Variants in CSMD3 observed in about 807,000 individuals in gnomAD.
CSMD3 encodes the protein CUB and Sushi multiple domains 3.
In CSMD3, 177 loss-of-function variants were observed where a neutral mutation model predicts 435.2. The observed-to-expected ratio is 0.41, with a 90% CI of 0.36 to 0.46. The LOEUF (loss-of-function observed/expected upper bound fraction) is 0.46, where lower values mean the gene tolerates loss of function less well. CSMD3 is among the 20% of genes least tolerant of loss of function. The probability of loss-of-function intolerance (pLI) is 0.34; values close to 1 mark genes in which losing one functional copy is unlikely to be tolerated. For synonymous variants in CSMD3, 1,656 were observed against 1,520.5 expected (o/e 1.09, Z -2.07); for missense variants, 4,265 against 4,504.6 (o/e 0.95, Z 1.52).
At chr8:112,923,279 C>A (rs1408348522) in intron 9 of CSMD3, among the ~76,000 whole-genome samples, 1 of 152,070 alleles carries the variant, frequency 6.6e-6, no homozygotes, top group Non-Finnish European at 1.5e-5. Context: ...TTTGTACTTT[C>A]AAATTTCCCA....
intron 27 of CSMD3, among the ~76,000 whole-genome samples, chr8:112,521,965 C>T (rs1411339809): frequency 6.6e-6 from 1 of 151,544 alleles, no homozygotes; most frequent in African/African-American, 2.4e-5. Context: ...AGGTAAAAAT[C>T]GTTGACATAA....
chr8:112,757,358 G>C (rs937988219), intron 13 of CSMD3, among the ~76,000 whole-genome samples: 1 of 151,784 alleles, frequency 6.6e-6, no homozygotes, highest in Non-Finnish European at 1.5e-5. Context: ...TTATTGTGAC[G>C]ATGTTATATG....
chr8:113,236,567 T>G (rs913027704), intron 3 of CSMD3, among the ~76,000 whole-genome samples: 2 of 152,110 alleles, frequency 1.3e-5, no homozygotes, highest in Admixed American at 1.3e-4. Flanking sequence ...TTCCTGCCCT[T>G]GGACATTAGA....
intron 10 of CSMD3, among the ~76,000 whole-genome samples, chr8:112,862,437 A>G (rs531158135): frequency 6.6e-6 from 1 of 152,044 alleles, no homozygotes; most frequent in African/African-American, 2.4e-5. Context: ...GAACTACTGG[A>G]CGTTTTTGAC....
At chr8:113,360,990 C>A (rs2094271846) in intron 1 of CSMD3, among the ~76,000 whole-genome samples, 3 of 152,038 alleles carry the variant, frequency 2.0e-5, no homozygotes, top group Admixed American at 2.0e-4. Context: ...CAATTTTTTA[C>A]AAGTAGTGAC....
At chr8:112,758,351 C>CCA (rs1554672493) in intron 13 of CSMD3, among the ~76,000 whole-genome samples, 15 of 117,622 alleles carry the variant, frequency 1.3e-4, no homozygotes, top group Middle Eastern at 4.3e-3. Context: ...GACTCCATTT[C>CCA]AAAAAAAAAA....
intron 9 of CSMD3, among the ~76,000 whole-genome samples, chr8:112,930,843 T>C (rs982769588): frequency 6.6e-6 from 1 of 152,098 alleles, no homozygotes. Context: ...ACCAGTTAGA[T>C]TAAACACTGA....
rs576859244 is a variant in CSMD3 at position 112,625,326 on chromosome 8, A to C, written c.3715+11491T>G. Among the ~76,000 whole-genome samples the C allele has an allele frequency of 7.9e-5, 12 of 152,252 alleles. No individual in the cohort carries two copies. In the East Asian group the frequency reaches 2.3e-3, roughly 29 times the overall value. On this transcript the variant is annotated intron_variant, in intron 22 of 70. Transcript: ENST00000297405. ...GTCATCTCAAACATCATGATTGAAC[A>C]AGTGAGAAATCATATTATATTATCA...
At chr8:112,332,104 C>G (rs558573735) in intron 45 of CSMD3, among the ~76,000 whole-genome samples, 63 of 152,108 alleles carry the variant, frequency 4.1e-4, no homozygotes, top group Non-Finnish European at 8.4e-4. Flanking sequence ...CACTGTAACA[C>G]TAAAATACAA....
intron 67 of CSMD3, 31 bp downstream of exon 67, chr8:112,237,159 G>A (rs780228155): frequency 1.2e-6 from 2 of 1,603,342 alleles, no homozygotes; most frequent in Non-Finnish European, 1.7e-6. Context: ...AGTCATGAAG[G>A]TATATTTCGC....
chr8:112,328,121 T>C (rs1026690433), intron 45 of CSMD3, among the ~76,000 whole-genome samples: 6 of 152,196 alleles, frequency 3.9e-5, no homozygotes, highest in African/African-American at 7.2e-5. Context: ...TTATAAACTC[T>C]AAGCTCTATA....
intron 11 of CSMD3, among the ~76,000 whole-genome samples, chr8:112,830,108 A>C (rs2079825733): frequency 1.3e-5 from 2 of 152,198 alleles, no homozygotes; most frequent in Non-Finnish European, 2.9e-5. Flanking sequence ...TACTTGAAGA[A>C]TGATTAAAGC....
chr8:112,820,723 G>A (rs1414426888), intron 12 of CSMD3, among the ~76,000 whole-genome samples: 3 of 151,422 alleles, frequency 2.0e-5, no homozygotes, highest in Non-Finnish European at 2.9e-5. Context: ...CACGTGCCAT[G>A]GTGGTTTGAT....
intron 11 of CSMD3, among the ~76,000 whole-genome samples, chr8:112,833,432 T>C (rs1216871752): frequency 6.6e-6 from 1 of 152,078 alleles, no homozygotes; most frequent in African/African-American, 2.4e-5. Flanking sequence ...AAGAAATTTA[T>C]TTTTTGTTTA....
At chr8:112,908,905 G>T (rs1318180106) in intron 10 of CSMD3, among the ~76,000 whole-genome samples, 1 of 151,470 alleles carries the variant, frequency 6.6e-6, no homozygotes, top group Non-Finnish European at 1.5e-5. Context: ...ATAAACTTTA[G>T]CTAGAAGACA....
intron 13 of CSMD3, among the ~76,000 whole-genome samples, chr8:112,746,506 A>G (rs2132078397): frequency 6.6e-6 from 1 of 152,224 alleles, no homozygotes; most frequent in African/African-American, 2.4e-5. Flanking sequence ...TACAAATTTG[A>G]AAGCACCTAA....
chr8:112,398,642 C>G (rs982398434), intron 35 of CSMD3, among the ~76,000 whole-genome samples: 4 of 152,172 alleles, frequency 2.6e-5, no homozygotes, highest in Non-Finnish European at 5.9e-5. Context: ...AGCCAAGCAG[C>G]TGTGTGACAG....
intron 22 of CSMD3, among the ~76,000 whole-genome samples, chr8:112,588,613 C>T (rs553618435): frequency 6.6e-6 from 1 of 152,048 alleles, no homozygotes; most frequent in African/African-American, 2.4e-5. Context: ...AACAAAATGA[C>T]AAAAACAATA....
chr8:113,118,288 T>C (rs887535628), intron 4 of CSMD3, among the ~76,000 whole-genome samples: 1 of 152,222 alleles, frequency 6.6e-6, no homozygotes, highest in African/African-American at 2.4e-5. Flanking sequence ...GGCTGACTTA[T>C]GGCATATATC....
Sources: gnomAD v4.1 joint callset for allele counts (sites outside exome capture counted in the v4.1 genomes callset) on GRCh38, gnomAD v4.1.1 for gene constraint, MANE v1.5 for transcripts, NCBI Gene and HGNC (gene_info 2026-07-23, HGNC 2026-07-21) for gene names.